Variants in ANKRD6 observed in about 807,000 individuals in gnomAD.
The protein encoded by ANKRD6 is ankyrin repeat domain 6.
In ANKRD6, 56 loss-of-function variants were observed where a neutral mutation model predicts 82.3. The ratio of observed to expected loss-of-function variants is 0.68; its 90% CI spans 0.55 to 0.85. ANKRD6 has a LOEUF of 0.85. Ranked by LOEUF, ANKRD6 falls within the 40% of genes least tolerant of loss-of-function variation. The pLI is 0.00. For missense variants in ANKRD6, 852 were observed against 907.6 expected (o/e 0.94, Z 0.79); for synonymous variants, 347 against 352.1 (o/e 0.99, Z 0.16).
chr6:89,576,885 C>T (rs562106720), intron 2 of ANKRD6, among the ~76,000 whole-genome samples: 1 of 152,264 alleles, frequency 6.6e-6, no homozygotes, highest in South Asian at 2.1e-4. Context: ...CCAGCTTCGC[C>T]CTGTCTCCTG....
In ANKRD6 at chr6:89,631,088, A is replaced by G. The variant is rs1433037773; in HGVS notation, c.*84A>G. ...AATAGCTATGCCCAAGGAGTCAACT[A>G]TTGTATATATTGCAGATTTGCCTTT... On this transcript the variant is annotated 3_prime_UTR_variant, in exon 16 of 16. Transcript: ENST00000339746. 1 of 1,430,386 alleles carries G rather than the reference A, an allele frequency of 7.0e-7. No homozygotes were observed. The highest frequency in any genetic ancestry group is 9.1e-7 in the Non-Finnish European group (1 of 1,097,516). The allele number at this position is 1,430,386 out of a possible 1,614,324, so 88.6% of individuals were successfully genotyped here.
intron 1 of ANKRD6, among the ~76,000 whole-genome samples, chr6:89,504,146 G>A (rs1779568373): frequency 1.4e-5 from 2 of 141,798 alleles, no homozygotes; most frequent in Non-Finnish European, 3.1e-5. Context: ...GGGGGTGGGG[G>A]GGAAGGAAGA....
rs1441481693 is a variant in ANKRD6 at position 89,632,711 on chromosome 6, G to C, written c.*1707G>C. On this transcript the variant is annotated 3_prime_UTR_variant, in exon 16 of 16. Transcript: ENST00000339746. Reference sequence around the variant, plus strand: ...TACGCAGGTAGACAGTCTTCCCCCAGAGACTCATTAGATTGCAATATAGAG... The same window carrying C: ...TACGCAGGTAGACAGTCTTCCCCCACAGACTCATTAGATTGCAATATAGAG... The C allele has an allele frequency of 6.6e-6, 1 of 152,168 alleles. No individual in the cohort carries two copies. The highest frequency in any genetic ancestry group is 2.4e-5 in the African/African-American group (1 of 41,442). 9.4% of individuals were successfully genotyped at this position (152,168 alleles called of 1,614,324 possible).
chr6:89,628,793 A>C (rs67382538), intron 14 of ANKRD6: 19,163 of 263,448 alleles, frequency 0.073, 1,559 homozygotes, highest in East Asian at 0.39. Flanking sequence ...AACAAACAAA[A>C]AAAAAAACTA....
intron 1 of ANKRD6, among the ~76,000 whole-genome samples, chr6:89,439,021 A>C (rs1258547653): frequency 6.6e-6 from 1 of 152,234 alleles, no homozygotes; most frequent in Non-Finnish European, 1.5e-5. Context: ...CACTGTATAA[A>C]TAAAATGTTA....
rs1369646293 is a variant in ANKRD6 at position 89,629,154 on chromosome 6, A to G, written c.1528A>G (p.Ile510Val). The G allele has an allele frequency of 1.9e-6, 3 of 1,613,636 alleles. No individual in the cohort carries two copies. The highest frequency in any genetic ancestry group is 4.5e-5 in the East Asian group (2 of 44,884). The change falls in exon 15 of 16, where the codon ATT becomes GTT. Residue 510 changes from isoleucine to valine, a missense_variant. Transcript: ENST00000339746. Reference sequence around the variant, plus strand: ...ATTAAAAACCTGGTGCATGTTAAAGATTCAGAATCTGGAGCAGAAGCTTTC... The same window carrying G: ...ATTAAAAACCTGGTGCATGTTAAAGGTTCAGAATCTGGAGCAGAAGCTTTC... The part of the protein sequence containing the change: ...DELKTWCMLK[I>V]QNLEQKLSGD...
At chr6:89,623,372 G>A (rs1275628949) in intron 10 of ANKRD6, 38 bp from the exon 11 acceptor site, 19 of 1,581,320 alleles carry the variant, frequency 1.2e-5, no homozygotes, top group Non-Finnish European at 1.3e-5. Context: ...GGCCAAGGAA[G>A]CAAACACAAT....
At chr6:89,615,390 C>T (rs1801306105) in intron 7 of ANKRD6, among the ~76,000 whole-genome samples, 1 of 152,176 alleles carries the variant, frequency 6.6e-6, no homozygotes, top group Non-Finnish European at 1.5e-5. Flanking sequence ...ACGGCCTCCC[C>T]AGTGGGGTGC....
intron 1 of ANKRD6, among the ~76,000 whole-genome samples, chr6:89,544,848 A>C (rs1237096526): frequency 1.3e-5 from 2 of 152,206 alleles, no homozygotes; most frequent in Admixed American, 1.3e-4. Flanking sequence ...CATCATCTTA[A>C]GAAGTAGCTG....
At chr6:89,569,987 C>T (rs534406715) in intron 2 of ANKRD6, among the ~76,000 whole-genome samples, 8 of 151,838 alleles carry the variant, frequency 5.3e-5, no homozygotes, top group Non-Finnish European at 1.0e-4. Flanking sequence ...CCACCTGATT[C>T]AACAGTTTAG....
At chr6:89,617,878 A>C in intron 8 of ANKRD6, 76 bp from the exon 9 acceptor site, 15 of 1,431,832 alleles carry the variant, frequency 1.0e-5, no homozygotes, top group Non-Finnish European at 1.3e-5. Flanking sequence ...GCTCCTGGCC[A>C]GAGCTGTGCC....
chr6:89,531,767 C>A lies in ANKRD6; in HGVS notation c.-143-35067C>A, dbSNP rs148945235. Among the ~76,000 whole-genome samples the A allele has an allele frequency of 3.7e-3, 558 of 152,358 alleles. 12 individuals are homozygous for A. The highest frequency in any genetic ancestry group is 1.0e-3 in the Non-Finnish European group (70 of 68,038). On this transcript the variant is annotated intron_variant, in intron 1 of 15. Transcript: ENST00000339746. ...CACTACCACCTTGTCTCTCCTCACT[C>A]CCTGTATTAGGATTCTCCTACAAAA...
Position 89,447,580 on chromosome 6 carries a change from G to C in ANKRD6, c.-144+14205G>C, listed in dbSNP as rs996188255. ...TGAAGCTACAGCAAGTTATCCATAA[G>C]CTCTAGCTAAGATTGTTGATTGATG... On this transcript the variant is annotated intron_variant, in intron 1 of 15. Coordinates refer to ENST00000339746, the MANE Select transcript of ANKRD6 (RefSeq NM_001242809.2). 2.6e-5 allele frequency among the ~76,000 whole-genome samples: 4 copies of C among 152,232 alleles called. No individual in the cohort carries two copies. The East Asian group carries it at 5.8e-4, about 22-fold the overall frequency.
At chr6:89,484,715 C>A (rs547970891) in intron 1 of ANKRD6, among the ~76,000 whole-genome samples, 18 of 152,200 alleles carry the variant, frequency 1.2e-4, no homozygotes, top group Admixed American at 9.2e-4. Context: ...TGTTTACATT[C>A]CAGAATACCC....
At chr6:89,541,992 A>G (rs1784501458) in intron 1 of ANKRD6, among the ~76,000 whole-genome samples, 1 of 151,570 alleles carries the variant, frequency 6.6e-6, no homozygotes, top group South Asian at 2.1e-4. Flanking sequence ...TTTTTTTCTA[A>G]TTAGAATGTA....
chr6:89,533,727 A>AGTGTGT (rs59064465), intron 1 of ANKRD6, among the ~76,000 whole-genome samples: 2,636 of 142,068 alleles, frequency 0.019, 29 homozygotes, highest in African/African-American at 0.03. Flanking sequence ...AGAGAAAATG[A>AGTGTGT]GTGTGTGTGT....
intron 1 of ANKRD6, among the ~76,000 whole-genome samples, chr6:89,440,586 T>C (rs1256344383): frequency 6.6e-6 from 1 of 152,212 alleles, no homozygotes; most frequent in Non-Finnish European, 1.5e-5. Context: ...TATGCCAAAG[T>C]GGCATATTTT....
At chr6:89,573,719 G>A (rs1229766695) in intron 2 of ANKRD6, among the ~76,000 whole-genome samples, 3 of 152,222 alleles carry the variant, frequency 2.0e-5, no homozygotes, top group African/African-American at 7.2e-5. Context: ...AACCTAGGCA[G>A]AGAATTATTT....
intron 1 of ANKRD6, among the ~76,000 whole-genome samples, chr6:89,539,741 C>CTTTT (rs570865099): frequency 3.5e-5 from 5 of 142,658 alleles, no homozygotes; most frequent in African/African-American, 1.3e-4. Flanking sequence ...AGGTCTTATT[C>CTTTT]TTTTTTTTTT....
Sources: allele counts gnomAD v4.1 joint callset (sites outside exome capture counted in the v4.1 genomes callset), GRCh38; gene constraint gnomAD v4.1.1; transcripts MANE v1.5; gene names NCBI Gene and HGNC (gene_info 2026-07-23, HGNC 2026-07-21).